The following GPR158 variants were observed in gnomAD, a reference collection of about 807,000 sequenced individuals.
GPR158 encodes metabotropic glycine receptor.
In GPR158, 30 loss-of-function variants were observed where a neutral mutation model predicts 78.2. The ratio of observed to expected loss-of-function variants is 0.38; its 90% CI spans 0.29 to 0.52. GPR158 has a LOEUF of 0.52. Among genes scored for constraint, GPR158 ranks in the 20% least tolerant of loss-of-function variants. The pLI, the probability that GPR158 is intolerant of heterozygous loss-of-function variation, is 0.83. For missense variants in GPR158, 1,463 were observed against 1,523.5 expected, an observed-to-expected ratio of 0.96 and a Z score of 0.66; for synonymous variants, 581 against 591.1, an observed-to-expected ratio of 0.98 and a Z score of 0.25.
At chr10:25,534,865 T>C (rs937980576) in intron 5 of GPR158, among the ~76,000 whole-genome samples, 2 of 142,286 alleles carry the variant, frequency 1.4e-5, no homozygotes, top group African/African-American at 2.6e-5. Flanking sequence ...TTTAAAACAT[T>C]ACAATAAAAA....
intron 5 of GPR158, among the ~76,000 whole-genome samples, chr10:25,522,940 T>A (rs1319600612): frequency 2.6e-5 from 4 of 151,582 alleles, no homozygotes; most frequent in African/African-American, 9.8e-5. Flanking sequence ...CTATTTTTTT[T>A]AAACTTAAAA....
intron 7 of GPR158, among the ~76,000 whole-genome samples, chr10:25,573,935 T>C (rs1837050291): frequency 6.6e-6 from 1 of 151,812 alleles, no homozygotes; most frequent in Non-Finnish European, 1.5e-5. Flanking sequence ...ATATTTTGGG[T>C]AATATAACAG....
At chr10:25,513,598 A>G (rs1364072331) in intron 5 of GPR158, among the ~76,000 whole-genome samples, 2 of 151,148 alleles carry the variant, frequency 1.3e-5, no homozygotes, top group African/African-American at 2.4e-5. Context: ...CAGTTCTGTG[A>G]GGTGTGACCT....
At chr10:25,516,372 T>C (rs1431076075) in intron 5 of GPR158, among the ~76,000 whole-genome samples, 2 of 151,942 alleles carry the variant, frequency 1.3e-5, no homozygotes, top group Admixed American at 1.3e-4. Context: ...CTCTTTAGTT[T>C]AATTAGATCC....
chr10:25,227,847 TAAAAG>T (rs1456848730), intron 2 of GPR158, among the ~76,000 whole-genome samples: 1 of 152,186 alleles, frequency 6.6e-6, no homozygotes, highest in Non-Finnish European at 1.5e-5. Flanking sequence ...AGACTAGTCA[TAAAAG>T]AGAAGTCTTC....
In GPR158 at chr10:25,176,393, C is replaced by A; in HGVS notation, c.902+71C>A. 4 of 1,206,352 alleles carry A rather than the reference C, an allele frequency of 3.3e-6. No homozygotes were observed. Among genetic ancestry groups the A allele is most frequent in the Non-Finnish European group, 4.6e-6 (4 of 871,760 alleles). The allele number at this position is 1,206,352 out of a possible 1,614,324, so 74.7% of individuals were successfully genotyped here. A position where few individuals can be genotyped will look rare whatever the true frequency, so the allele number is the denominator to read the frequency against. ...CCTTCCGGTCTTGTGGGTGGGTGCACGTGTGAGGAAGGAACCCTTGGCTGT... is the reference window on the plus strand; with the variant it reads ...CCTTCCGGTCTTGTGGGTGGGTGCAAGTGTGAGGAAGGAACCCTTGGCTGT... On this transcript the variant is annotated intron_variant, in intron 1 of 10. Coordinates refer to ENST00000376351, the MANE Select transcript of GPR158 (RefSeq NM_020752.3). The surrounding 1 kb of genome is among the most constrained non-coding windows in gnomAD (Gnocchi z 6.3).
intron 1 of GPR158, among the ~76,000 whole-genome samples, chr10:25,205,813 G>GTT (rs752744699): frequency 2.0e-5 from 3 of 148,436 alleles, no homozygotes; most frequent in Admixed American, 6.7e-5. Context: ...TATCATTTTA[G>GTT]TTTTTTTTTT....
chr10:25,218,364 G>A (rs981261875), intron 1 of GPR158, among the ~76,000 whole-genome samples: 1 of 152,156 alleles, frequency 6.6e-6, no homozygotes, highest in Non-Finnish European at 1.5e-5. Context: ...AATGAAGGGC[G>A]AAAGCTTTCA....
chr10:25,557,993 A>G (rs1471703175), intron 6 of GPR158, among the ~76,000 whole-genome samples: 1 of 152,230 alleles, frequency 6.6e-6, no homozygotes, highest in Non-Finnish European at 1.5e-5. Flanking sequence ...ATGACTTTGA[A>G]ATACACTTTA....
chr10:25,521,240 A>T (rs1171363350), intron 5 of GPR158, among the ~76,000 whole-genome samples: 1 of 152,110 alleles, frequency 6.6e-6, no homozygotes, highest in Non-Finnish European at 1.5e-5. Flanking sequence ...CGGTGCACGC[A>T]CCCACTGGCC....
intron 2 of GPR158, among the ~76,000 whole-genome samples, chr10:25,271,886 C>T (rs913395605): frequency 2.6e-5 from 4 of 152,032 alleles, no homozygotes; most frequent in African/African-American, 9.7e-5. Context: ...GTGATCTGCC[C>T]ACCTCGGCTT....
intron 2 of GPR158, among the ~76,000 whole-genome samples, chr10:25,382,237 G>A (rs1011817508): frequency 1.2e-4 from 18 of 152,134 alleles, no homozygotes; most frequent in African/African-American, 2.2e-4. Context: ...CTCACTCGGC[G>A]AGATGTAATT....
chr10:25,539,361 T>G (rs561079016), intron 5 of GPR158, among the ~76,000 whole-genome samples: 1 of 151,946 alleles, frequency 6.6e-6, no homozygotes, highest in African/African-American at 2.4e-5. Context: ...GTGTGGGGGG[T>G]TTAGATCTTA....
chr10:25,342,156 GTTC>G (rs1218727801), intron 2 of GPR158, among the ~76,000 whole-genome samples: 3 of 151,910 alleles, frequency 2.0e-5, no homozygotes, highest in Non-Finnish European at 4.4e-5. Context: ...TAATCACCAA[GTTC>G]TTATTTCTTC....
intron 2 of GPR158, among the ~76,000 whole-genome samples, chr10:25,378,433 C>A (rs926609284): frequency 6.6e-6 from 1 of 151,610 alleles, no homozygotes; most frequent in African/African-American, 2.4e-5. Flanking sequence ...TTGTTAGAAA[C>A]CTGACAGACT....
Position 25,175,816 on chromosome 10 carries a change from C to T in GPR158, c.396C>T (p.Ala132=). 1 of 1,612,706 alleles carries T rather than the reference C, an allele frequency of 6.2e-7. No homozygotes were observed. Among genetic ancestry groups the T allele is most frequent in the Non-Finnish European group, 8.5e-7 (1 of 1,179,990 alleles). ...GGGCGCTGGACACACTGACACACGC[C>T]ACCAACTTCCTCAACGTGATGCTGC... The part of the protein sequence containing the change: ...LHRALDTLTH[A]TNFLNVMLQS... The change falls in exon 1 of 11, where the codon GCC becomes GCT. Residue 132 remains alanine, a synonymous_variant. Coordinates refer to ENST00000376351, the MANE Select transcript of GPR158 (RefSeq NM_020752.3). This position sits in a 1 kb window ranked among gnomAD's most constrained non-coding sequence, Gnocchi z 6.4.
chr10:25,284,949 A>G (rs1433269092), intron 2 of GPR158, among the ~76,000 whole-genome samples: 4 of 152,220 alleles, frequency 2.6e-5, no homozygotes, highest in Middle Eastern at 3.4e-3. Flanking sequence ...CCTATATACT[A>G]TACACACAAT....
chr10:25,463,395 CTGGATGGATGGA>C (rs10532888), intron 4 of GPR158, among the ~76,000 whole-genome samples: 11,780 of 149,620 alleles, frequency 0.079, 561 homozygotes, highest in Non-Finnish European at 0.11. Context: ...TGAGGTTTGT[CTGGATGGATGGA>C]TGGATGGATG....
chr10:25,549,443 C>G (rs1021986165), intron 5 of GPR158, among the ~76,000 whole-genome samples: 1 of 151,088 alleles, frequency 6.6e-6, no homozygotes, highest in African/African-American at 2.4e-5. Flanking sequence ...TTTGTGAAAA[C>G]AGTAAAAACA....
Sources: gnomAD v4.1 joint callset for allele counts (sites outside exome capture counted in the v4.1 genomes callset) on GRCh38, gnomAD v4.1.1 for gene constraint, Gnocchi (gnomAD v3.1) non-coding constraint, MANE v1.5 for transcripts, NCBI Gene and HGNC (gene_info 2026-07-23, HGNC 2026-07-21) for gene names.